The following PHF21B variants were observed in gnomAD, a reference collection of about 807,000 sequenced individuals.
The protein encoded by PHF21B is PHD finger protein 21B, also known as PHD finger protein 4.
In PHF21B, 22 loss-of-function variants were observed where a neutral mutation model predicts 62.2. The ratio of observed to expected loss-of-function variants is 0.35; its 90% CI spans 0.25 to 0.51. The LOEUF (loss-of-function observed/expected upper bound fraction) is 0.51, where lower values mean the gene tolerates loss of function less well. Ranked by LOEUF, PHF21B falls within the 20% of genes least tolerant of loss-of-function variation. PHF21B has a pLI of 0.97. For synonymous variants in PHF21B, 341 were observed against 314.7 expected, an observed-to-expected ratio of 1.08 and a Z score of -0.88; for missense variants, 701 against 707.9, an observed-to-expected ratio of 0.99 and a Z score of 0.11.
chr22:44,984,266 TCACCACCAC>T (rs1238048911), intron 2 of PHF21B, among the ~76,000 whole-genome samples: 282 of 131,972 alleles, frequency 2.1e-3, no homozygotes, highest in Non-Finnish European at 3.8e-3. Flanking sequence ...ATCATCACCA[TCACCACCAC>T]CACCACCACC....
intron 2 of PHF21B, among the ~76,000 whole-genome samples, chr22:44,946,447 A>T (rs984021176): frequency 1.3e-5 from 2 of 152,046 alleles, no homozygotes; most frequent in Non-Finnish European, 2.9e-5. Context: ...CTGGGCGCTC[A>T]GTGTACACGT....
chr22:45,002,659 G>A (rs1208838713), intron 2 of PHF21B, among the ~76,000 whole-genome samples: 1 of 152,204 alleles, frequency 6.6e-6, no homozygotes, highest in African/African-American at 2.4e-5. Context: ...CTTCTGACCT[G>A]CCCTCAGCAC....
At chr22:44,965,363 G>A (rs891296796) in intron 2 of PHF21B, among the ~76,000 whole-genome samples, 1 of 150,770 alleles carries the variant, frequency 6.6e-6, no homozygotes, top group Non-Finnish European at 1.5e-5. Flanking sequence ...TCCCTCCCCC[G>A]CCACCACTAC....
chr22:44,885,765 G>A (rs994447315), intron 11 of PHF21B, 98 bp downstream of exon 11: 1 of 1,293,280 alleles, frequency 7.7e-7, no homozygotes, highest in Non-Finnish European at 1.1e-6. Context: ...GAAGGGAATG[G>A]ACCCACCTGT....
intron 2 of PHF21B, among the ~76,000 whole-genome samples, chr22:44,938,800 G>T (rs903919514): frequency 8.5e-5 from 13 of 152,220 alleles, no homozygotes; most frequent in African/African-American, 2.7e-4. Flanking sequence ...CAGGTTCTGG[G>T]TGGCACTGAA....
At chr22:44,944,145 T>G (rs1300991010) in intron 2 of PHF21B, among the ~76,000 whole-genome samples, 1 of 152,178 alleles carries the variant, frequency 6.6e-6, no homozygotes, top group Non-Finnish European at 1.5e-5. Context: ...CTGCAGACAG[T>G]GAAGGACTGT....
intron 2 of PHF21B, among the ~76,000 whole-genome samples, chr22:44,964,513 G>A (rs189627280): frequency 1.9e-3 from 291 of 152,318 alleles, no homozygotes; most frequent in Non-Finnish European, 3.4e-3. Flanking sequence ...CCCCTGACTC[G>A]GCAGGAGAAG....
chr22:44,959,729 C>G (rs1392298871), intron 2 of PHF21B, among the ~76,000 whole-genome samples: 3 of 152,146 alleles, frequency 2.0e-5, no homozygotes, highest in Admixed American at 1.3e-4. Context: ...CATGGAGGAG[C>G]TGATCACTGA....
At chr22:44,993,753 A>G (rs2073077334) in intron 2 of PHF21B, among the ~76,000 whole-genome samples, 2 of 152,224 alleles carry the variant, frequency 1.3e-5, no homozygotes, top group Admixed American at 6.5e-5. Flanking sequence ...GAGAATGCAC[A>G]TCCCTATTTA....
At chr22:44,993,898 A>G (rs1407550802) in intron 2 of PHF21B, among the ~76,000 whole-genome samples, 1 of 152,204 alleles carries the variant, frequency 6.6e-6, no homozygotes, top group African/African-American at 2.4e-5. Flanking sequence ...AGAGCCACAA[A>G]CTAGAGGAAA....
chr22:44,982,289 A>G (rs1430848703), intron 2 of PHF21B, among the ~76,000 whole-genome samples: 1 of 152,212 alleles, frequency 6.6e-6, no homozygotes. Context: ...AGTACTTTGC[A>G]AAGGCTGATC....
intron 2 of PHF21B, among the ~76,000 whole-genome samples, chr22:44,933,758 CAGAG>C (rs2071789971): frequency 6.6e-6 from 1 of 151,586 alleles, no homozygotes. Flanking sequence ...GACAGAGAGA[CAGAG>C]ACAGAGAGAC....
chr22:44,905,682 G>A (rs926912912), intron 5 of PHF21B, among the ~76,000 whole-genome samples: 2 of 152,068 alleles, frequency 1.3e-5, no homozygotes, highest in Non-Finnish European at 2.9e-5. Flanking sequence ...AGGCTGTAGT[G>A]CAGTGGCACC....
intron 2 of PHF21B, among the ~76,000 whole-genome samples, chr22:44,943,810 C>T (rs1311216480): frequency 2.6e-5 from 4 of 152,124 alleles, no homozygotes; most frequent in Admixed American, 6.5e-5. Context: ...TCCAGCCCAG[C>T]GGCACCCTGG....
chr22:44,892,595 C>T (rs987611118), intron 7 of PHF21B, among the ~76,000 whole-genome samples: 1 of 152,214 alleles, frequency 6.6e-6, no homozygotes, highest in Non-Finnish European at 1.5e-5. Flanking sequence ...GCACTGACCT[C>T]GGGGGACATC....
chr22:44,924,955 A>C (rs1220203687), intron 2 of PHF21B, among the ~76,000 whole-genome samples: 1 of 152,240 alleles, frequency 6.6e-6, no homozygotes, highest in East Asian at 1.9e-4. Flanking sequence ...TCTTCACACG[A>C]CAGAGTATTA....
At chr22:44,953,189 G>A (rs1312803030) in intron 2 of PHF21B, among the ~76,000 whole-genome samples, 1 of 152,186 alleles carries the variant, frequency 6.6e-6, no homozygotes, top group African/African-American at 2.4e-5. Context: ...GCCCGCAGCT[G>A]GGGCAGAAAT....
chr22:44,949,242 G>A (rs992066179), intron 2 of PHF21B, among the ~76,000 whole-genome samples: 9 of 151,058 alleles, frequency 6.0e-5, no homozygotes, highest in African/African-American at 1.7e-4. Context: ...CGGAGGTTGC[G>A]GTGAGCCAAG....
intron 2 of PHF21B, among the ~76,000 whole-genome samples, chr22:44,925,573 T>C (rs907708205): frequency 1.3e-5 from 2 of 152,166 alleles, no homozygotes; most frequent in African/African-American, 4.8e-5. Context: ...ATATCCACTT[T>C]GGACATTTGT....
Sources: gnomAD v4.1 joint callset for allele counts (sites outside exome capture counted in the v4.1 genomes callset) on GRCh38, gnomAD v4.1.1 for gene constraint, MANE v1.5 for transcripts, NCBI Gene and HGNC (gene_info 2026-07-23, HGNC 2026-07-21) for gene names.